CNTNAP2: variants seen among roughly 807,000 people sequenced by gnomAD.
CNTNAP2 encodes contactin associated protein 2.
A neutral mutation model predicts 155.2 loss-of-function variants in CNTNAP2; 98 were observed. The observed-to-expected ratio is 0.63, with a 90% CI of 0.54 to 0.75. The LOEUF is 0.75. CNTNAP2 is among the 30% of genes least tolerant of loss of function. The pLI, the probability that CNTNAP2 is intolerant of heterozygous loss-of-function variation, is 0.00. For missense variants in CNTNAP2, 1,727 were observed against 1,688.1 expected, an observed-to-expected ratio of 1.02 and a Z score of -0.40; for synonymous variants, 651 against 631.2, an observed-to-expected ratio of 1.03 and a Z score of -0.47.
intron 12 of CNTNAP2, among the ~76,000 whole-genome samples, chr7:147,636,182 C>T (rs77506228): frequency 0.02 from 3,079 of 152,238 alleles, 112 homozygotes; most frequent in African/African-American, 0.07. Context: ...TATATTTATT[C>T]TACAGAAAAT....
At chr7:146,538,170 C>T (rs1797898339) in intron 1 of CNTNAP2, among the ~76,000 whole-genome samples, 1 of 151,968 alleles carries the variant, frequency 6.6e-6, no homozygotes, top group Admixed American at 6.6e-5. Flanking sequence ...GAAATATTTA[C>T]AAGGTTTGGA....
At chr7:147,867,579 G>A (rs564409673) in intron 13 of CNTNAP2, among the ~76,000 whole-genome samples, 2 of 152,186 alleles carry the variant, frequency 1.3e-5, no homozygotes, top group Admixed American at 6.5e-5. Context: ...TTACTTTTAG[G>A]TACACCAATC....
intron 3 of CNTNAP2, among the ~76,000 whole-genome samples, chr7:147,023,996 G>A (rs1798858618): frequency 1.3e-5 from 2 of 152,026 alleles, no homozygotes; most frequent in Admixed American, 6.6e-5. Context: ...AACTCAGCTG[G>A]GAACACCTTG....
chr7:148,266,889 G>T, intron 20 of CNTNAP2, 144 bp from the exon 21 acceptor site: 1 of 769,950 alleles, frequency 1.3e-6, no homozygotes, highest in Non-Finnish European at 2.3e-6. Context: ...CATTTTCTCG[G>T]GGTGGTGTTT....
At chr7:147,466,459 C>A (rs1410937487) in intron 10 of CNTNAP2, among the ~76,000 whole-genome samples, 1 of 151,962 alleles carries the variant, frequency 6.6e-6, no homozygotes, top group East Asian at 1.9e-4. Flanking sequence ...TTTCTATGAC[C>A]CACTTTGGGG....
At chr7:147,678,863 C>T (rs147412552) in intron 13 of CNTNAP2, among the ~76,000 whole-genome samples, 2,491 of 151,796 alleles carry the variant, frequency 0.016, 222 homozygotes, top group Admixed American at 0.15. Flanking sequence ...GAGGAAAAAG[C>T]TAAATTAGAG....
At chr7:146,283,525 G>T (rs1209619598) in intron 1 of CNTNAP2, among the ~76,000 whole-genome samples, 1 of 152,098 alleles carries the variant, frequency 6.6e-6, no homozygotes, top group Non-Finnish European at 1.5e-5. Flanking sequence ...GAGCCACTGT[G>T]CCTGGCTGGT....
chr7:147,869,656 T>A (rs1292789859), intron 13 of CNTNAP2, among the ~76,000 whole-genome samples: 2 of 152,234 alleles, frequency 1.3e-5, no homozygotes, highest in Non-Finnish European at 2.9e-5. Context: ...GTGTCATAAC[T>A]GACTCTTGAT....
At chr7:147,697,580 G>C (rs1382197713) in intron 13 of CNTNAP2, among the ~76,000 whole-genome samples, 1 of 152,066 alleles carries the variant, frequency 6.6e-6, no homozygotes, top group Non-Finnish European at 1.5e-5. Context: ...GTGGGGGAGC[G>C]GGGAAGCATT....
chr7:147,415,823 G>A (rs1292775125), intron 10 of CNTNAP2, among the ~76,000 whole-genome samples: 1 of 152,156 alleles, frequency 6.6e-6, no homozygotes, highest in South Asian at 2.1e-4. Context: ...CATGGAAGGA[G>A]TGTAACAAGT....
At chr7:146,448,301 A>C (rs144933575) in intron 1 of CNTNAP2, among the ~76,000 whole-genome samples, 1 of 152,024 alleles carries the variant, frequency 6.6e-6, no homozygotes, top group Non-Finnish European at 1.5e-5. Flanking sequence ...GTCATTCCAT[A>C]AAGTGGCTAC....
At chr7:146,515,781 C>T (rs958179004) in intron 1 of CNTNAP2, among the ~76,000 whole-genome samples, 6 of 151,980 alleles carry the variant, frequency 3.9e-5, no homozygotes, top group African/African-American at 1.4e-4. Context: ...AGCTGATTCC[C>T]TCCAAATCAT....
chr7:147,712,817 A>C (rs1796419743), intron 13 of CNTNAP2, among the ~76,000 whole-genome samples: 1 of 152,168 alleles, frequency 6.6e-6, no homozygotes, highest in Non-Finnish European at 1.5e-5. Flanking sequence ...CGGGTGCAGC[A>C]CACCAACATG....
chr7:146,802,325 C>T (rs994322155), intron 2 of CNTNAP2, among the ~76,000 whole-genome samples: 1 of 152,114 alleles, frequency 6.6e-6, no homozygotes, highest in African/African-American at 2.4e-5. Flanking sequence ...ATGGAAAACC[C>T]CCCTTACATC....
chr7:147,133,999 A>C (rs1467475873), intron 8 of CNTNAP2, among the ~76,000 whole-genome samples: 1 of 152,068 alleles, frequency 6.6e-6, no homozygotes, highest in Non-Finnish European at 1.5e-5. Context: ...AAAACAGATA[A>C]AACAAAAACA....
intron 1 of CNTNAP2, among the ~76,000 whole-genome samples, chr7:146,497,916 C>CAT (rs199828754): frequency 0.42 from 62,986 of 148,610 alleles, 14,523 homozygotes; most frequent in African/African-American, 0.62. Flanking sequence ...CATATATAAA[C>CAT]ATATATTCTA....
intron 13 of CNTNAP2, among the ~76,000 whole-genome samples, chr7:147,694,209 T>C (rs977794436): frequency 6.6e-6 from 1 of 152,094 alleles, no homozygotes; most frequent in Non-Finnish European, 1.5e-5. Flanking sequence ...TAAATCACAG[T>C]TGTTCATAGT....
intron 8 of CNTNAP2, among the ~76,000 whole-genome samples, chr7:147,237,003 C>A (rs1053970839): frequency 7.5e-5 from 11 of 146,038 alleles, no homozygotes; most frequent in Admixed American, 6.2e-4. Context: ...TTCTTGTCTG[C>A]GTATCTAGCC....
intron 15 of CNTNAP2, among the ~76,000 whole-genome samples, chr7:148,000,940 GGGCTCACGGCAGCCCTT>G (rs1217176936): frequency 6.6e-6 from 1 of 152,152 alleles, no homozygotes; most frequent in African/African-American, 2.4e-5. Flanking sequence ...CAGATTCTGG[GGGCTCACGGCAGCCCTT>G]GGCTTATGGC....
Sources: allele counts gnomAD v4.1 joint callset (sites outside exome capture counted in the v4.1 genomes callset), GRCh38; gene constraint gnomAD v4.1.1; transcripts MANE v1.5; gene names NCBI Gene and HGNC (gene_info 2026-07-23, HGNC 2026-07-21).